The following NTN5 variants were observed in gnomAD, a reference collection of about 807,000 sequenced individuals.
The protein encoded by NTN5 is netrin-5.
In NTN5, 42 loss-of-function variants were observed where a neutral mutation model predicts 38.7. That is an observed-to-expected ratio of 1.08 (90% confidence interval 0.85 to 1.40). The LOEUF is 1.40. Among genes scored for constraint, NTN5 ranks in the 40% most tolerant of loss-of-function variants. The pLI is 0.00. For missense variants in NTN5, 658 were observed against 716.5 expected (o/e 0.92, Z 0.93); for synonymous variants, 329 against 303.9 (o/e 1.08, Z -0.86).
At chr19:48,669,819 C>CCACCACCAA (rs2031881262) in intron 2 of NTN5, among the ~76,000 whole-genome samples, 1 of 94,744 alleles carries the variant, frequency 1.1e-5, no homozygotes, top group Non-Finnish European at 2.3e-5. Context: ...ATCACCATCA[C>CCACCACCAA]CACCACCACC....
At position 48,661,769 on chromosome 19, in the gene NTN5, C is replaced by T; in HGVS notation, c.1378G>A (p.Ala460Thr). ...GLALPWRPRWARPLKRLQQEE... is the reference protein window; with the variant it reads ...GLALPWRPRWTRPLKRLQQEE... ...TGCTGCAGCCGCTTCAGGGGCCGGG[C>T]CCAGCGCGGCCTCCATGGCAGCGCG... Residue 460 changes from alanine to threonine, a missense_variant, in exon 7 of 7, where the codon GCC becomes ACC. Physicochemically the swap from Ala to Thr is moderately conservative, Grantham distance 58. Transcript: ENST00000270235. 2 of 1,462,860 alleles carry T rather than the reference C, an allele frequency of 1.4e-6. No homozygotes were observed. The highest frequency in any genetic ancestry group is 1.3e-5 in the South Asian group (1 of 74,214). 90.6% of individuals were successfully genotyped at this position (1,462,860 alleles called of 1,614,324 possible).
At position 48,671,107 on chromosome 19, in the gene NTN5, C is replaced by T. The variant is rs924438337; in HGVS notation, c.-20-101G>A. On this transcript the variant is annotated intron_variant, in intron 1 of 6. Transcript: ENST00000270235. ...TGGGGCATTCCACCCCCAACCCGTC[C>T]AGGCCCCCTCCCCGGCTGCATGGAA... The T allele has an allele frequency of 1.1e-5, 9 of 788,372 alleles. No homozygotes were observed. In the African/African-American group the frequency reaches 1.4e-4, roughly 12 times the overall value. 48.8% of individuals were successfully genotyped at this position (788,372 alleles called of 1,614,324 possible).
Position 48,670,800 on chromosome 19 carries a change from C to T in NTN5, c.187G>A (p.Gly63Ser). Residue 63 changes from glycine to serine, a missense_variant, in exon 2 of 7, where the codon GGC (glycine) becomes AGC (serine). By Grantham distance (56) the Gly-to-Ser change is moderately conservative. Transcript: ENST00000270235. The part of the protein sequence containing the change: ...NHLGARETCN[G>S]SLTLALGGPF... ...CCACCCAGGGCCAAAGTCAGGCTGC[C>T]ATTGCAGGTTTCCCTGGCGCCAAGG... 1 of 1,613,136 alleles carries T rather than the reference C, an allele frequency of 6.2e-7. No individual in the cohort carries two copies.
intron 2 of NTN5, chr19:48,667,471 T>C: frequency 3.5e-6 from 1 of 281,854 alleles, no homozygotes; most frequent in Non-Finnish European, 7.5e-6. Flanking sequence ...CTGGTGAGTC[T>C]CACCCCTCAC....
At chr19:48,669,673 T>C (rs1249544367) in intron 2 of NTN5, among the ~76,000 whole-genome samples, 37 of 57,688 alleles carry the variant, frequency 6.4e-4, no homozygotes, top group Admixed American at 1.9e-3. Flanking sequence ...ACCATCACCA[T>C]CATCACCACC....
intron 2 of NTN5, 32 bp downstream of exon 2, chr19:48,670,324 A>G: frequency 7.2e-7 from 1 of 1,382,724 alleles, no homozygotes; most frequent in Non-Finnish European, 9.4e-7. Context: ...CAGGCAGGCA[A>G]AGGCAGGGAG....
At position 48,661,820 on chromosome 19, in the gene NTN5, G is replaced by A. The variant is rs2147735032; in HGVS notation, c.1327C>T (p.Arg443Cys). The change falls in exon 7 of 7, where the codon CGC (arginine) becomes TGC (cysteine). Residue 443 changes from arginine (R) to cysteine (C), a missense_variant. Physicochemically the swap from Arg to Cys is radical, Grantham distance 180 (BLOSUM62 -3). Coordinates refer to ENST00000270235, the MANE Select transcript of NTN5 (RefSeq NM_145807.4). ...AGGCCGTGGCGGTCGAGGATGAGGC[G>A]CGTGGGGTCGGGGTCGCCCACGGCG... ...GSAVGDPDPT[R>C]LILDRHGLAL... is the part of the protein sequence containing the mutation. The A allele has an allele frequency of 7.5e-7, 1 of 1,340,390 alleles. No homozygotes were observed. Among genetic ancestry groups the A allele is most frequent in the South Asian group, 1.7e-5 (1 of 58,928 alleles). 83.0% of individuals were successfully genotyped at this position (1,340,390 alleles called of 1,614,324 possible).
intron 4 of NTN5, 84 bp downstream of exon 4, chr19:48,664,059 C>A: frequency 3.4e-6 from 5 of 1,464,904 alleles, no homozygotes; most frequent in Non-Finnish European, 3.7e-6. Flanking sequence ...AAGGCCCCAG[C>A]CCTCACTGCA....
intron 3 of NTN5, 27 bp downstream of exon 3, chr19:48,664,552 C>A: frequency 1.9e-6 from 3 of 1,577,982 alleles, no homozygotes; most frequent in South Asian, 2.3e-5. Flanking sequence ...TCTGCTCCCC[C>A]CAGGCCTGTC....
At chr19:48,667,677 CGAAACCT>C (rs2031740482) in intron 2 of NTN5, among the ~76,000 whole-genome samples, 1 of 151,940 alleles carries the variant, frequency 6.6e-6, no homozygotes, top group African/African-American at 2.4e-5. Flanking sequence ...GCCAACATGG[CGAAACCT>C]CATCTCTACT....
At position 48,661,954 on chromosome 19, in the gene NTN5, C is replaced by G; in HGVS notation, c.1193G>C (p.Arg398Pro). The G allele has an allele frequency of 6.9e-7, 1 of 1,447,624 alleles. No homozygotes were observed. The highest frequency in any genetic ancestry group is 9.0e-7 in the Non-Finnish European group (1 of 1,107,320). The allele number at this position is 1,447,624 out of a possible 1,614,324, so 89.7% of individuals were successfully genotyped here. A position where few individuals can be genotyped will look rare whatever the true frequency, so the allele number is the denominator to read the frequency against. The change falls in exon 7 of 7, where the codon CGG becomes CCG. Residue 398 changes from arginine to proline, a missense_variant. Physicochemically the swap from Arg to Pro is moderately radical, Grantham distance 103. Transcript: ENST00000270235. ...AVRVLAVYKQ[R>P]AQPVRRGDQD... ...GTCGCCGCGTCGCACGGGCTGCGCC[C>G]GCTGCTTGTAAACGGCCAGCACGCG...
At chr19:48,664,315 G>A (rs1395355466) in intron 3 of NTN5, 23 bp from the exon 4 acceptor site, 16 of 1,607,284 alleles carry the variant, frequency 1.0e-5, no homozygotes, top group Non-Finnish European at 1.4e-5. Flanking sequence ...AGGAGCTGGG[G>A]GCATGGGGTA....
At chr19:48,668,587 C>T (rs1043187345) in intron 2 of NTN5, among the ~76,000 whole-genome samples, 1 of 152,118 alleles carries the variant, frequency 6.6e-6, no homozygotes, top group Non-Finnish European at 1.5e-5. Context: ...GTGACAGTAC[C>T]CAGCAGGAGC....
intron 2 of NTN5, among the ~76,000 whole-genome samples, chr19:48,670,008 C>CCACCAT (rs1568452885): frequency 5.7e-5 from 7 of 123,592 alleles, no homozygotes; most frequent in African/African-American, 2.1e-4. Context: ...ACCATCACCA[C>CCACCAT]CATCATCACC....
rs777324588 is a variant in NTN5 at position 48,664,671 on chromosome 19, C to T, written c.728G>A (p.Arg243His). ...GRSGGVCERC[R>H]HHTAGRHCHY... ...GCAGTGCCGCCCAGCTGTGTGGTGG[C>T]GGCACCGCTCACAAACACCCCCACT... Residue 243 changes from arginine (R) to histidine (H), a missense_variant, in exon 3 of 7, where the codon CGC becomes CAC. Coordinates refer to ENST00000270235, the MANE Select transcript of NTN5 (RefSeq NM_145807.4). 2.5e-5 allele frequency: 41 copies of T among 1,611,732 alleles called. No individual in the cohort carries two copies. Among genetic ancestry groups the T allele is most frequent in the Non-Finnish European group, 3.1e-5 (37 of 1,179,320 alleles).
At chr19:48,665,987 G>A (rs923578103) in intron 2 of NTN5, among the ~76,000 whole-genome samples, 6 of 152,216 alleles carry the variant, frequency 3.9e-5, no homozygotes, top group African/African-American at 7.2e-5. Flanking sequence ...ATGAGATAAA[G>A]TGGATAAAAA....
intron 1 of NTN5, among the ~76,000 whole-genome samples, chr19:48,672,573 C>G (rs2031989066): frequency 6.6e-6 from 1 of 152,218 alleles, no homozygotes; most frequent in African/African-American, 2.4e-5. Context: ...CCATTTTGCA[C>G]CCACTCAGGT....
At chr19:48,672,241 C>T (rs1201558344) in intron 1 of NTN5, among the ~76,000 whole-genome samples, 2 of 152,174 alleles carry the variant, frequency 1.3e-5, no homozygotes, top group Admixed American at 6.5e-5. Flanking sequence ...GGCAGAAGCC[C>T]AGACCCTAGG....
intron 6 of NTN5, chr19:48,662,880 C>A: frequency 4.9e-6 from 1 of 205,338 alleles, no homozygotes; most frequent in Non-Finnish European, 1.0e-5. Flanking sequence ...ACACTAGTGA[C>A]CAGATGAGGT....
Sources: allele counts gnomAD v4.1 joint callset (sites outside exome capture counted in the v4.1 genomes callset), GRCh38; gene constraint gnomAD v4.1.1; transcripts MANE v1.5; gene names NCBI Gene and HGNC (gene_info 2026-07-23, HGNC 2026-07-21).